Variants in CYP2U1 observed in about 807,000 individuals in gnomAD.
CYP2U1 encodes the protein cytochrome P450 family 2 subfamily U member 1, also known as cytochrome P450 2U1.
CYP2U1 carries 28 observed loss-of-function variants against 42.8 expected under a neutral mutation model. The ratio of observed to expected loss-of-function variants is 0.65; its 90% CI spans 0.48 to 0.90. CYP2U1 has a LOEUF of 0.90. CYP2U1 is among the 40% of genes least tolerant of loss of function. The pLI is 0.00. For synonymous variants in CYP2U1, 296 were observed against 278.9 expected (o/e 1.06, Z -0.61); for missense variants, 642 against 693.8 (o/e 0.93, Z 0.84).
chr4:107,941,680 A>G (rs1733500852), intron 1 of CYP2U1, among the ~76,000 whole-genome samples: 2 of 151,984 alleles, frequency 1.3e-5, no homozygotes, highest in Admixed American at 1.3e-4. Flanking sequence ...AACTGCAGCT[A>G]GAGTAGTACC....
chr4:107,945,732 A>G, intron 2 of CYP2U1, 127 bp downstream of exon 2: 1 of 1,231,962 alleles, frequency 8.1e-7, no homozygotes, highest in Non-Finnish European at 1.1e-6. Flanking sequence ...AATACTTGCA[A>G]CTCATAGGGA....
At chr4:107,947,656 C>T (rs1271628686) in intron 3 of CYP2U1, 119 bp downstream of exon 3, 14 of 965,974 alleles carry the variant, frequency 1.4e-5, no homozygotes, top group Non-Finnish European at 2.2e-5. Flanking sequence ...GAAGATTTAG[C>T]ATTGTGTCAT....
At chr4:107,932,398 T>C (rs533201436) in intron 1 of CYP2U1, among the ~76,000 whole-genome samples, 1 of 152,170 alleles carries the variant, frequency 6.6e-6, no homozygotes, top group Non-Finnish European at 1.5e-5. Context: ...GGGAGAGTAA[T>C]AGGGATGGCG....
intron 1 of CYP2U1, 107 bp from the exon 2 acceptor site, chr4:107,944,857 TGAGGAA>T: frequency 3.3e-6 from 1 of 299,830 alleles, no homozygotes; most frequent in Non-Finnish European, 5.8e-6. Flanking sequence ...TATATTTATA[TGAGGAA>T]TTTTCCATAA....
intron 1 of CYP2U1, among the ~76,000 whole-genome samples, chr4:107,933,429 C>G (rs1733121004): frequency 6.6e-6 from 1 of 152,196 alleles, no homozygotes; most frequent in African/African-American, 2.4e-5. Flanking sequence ...TAGGTAGAAG[C>G]AGTATTACGA....
chr4:107,942,345 G>A (rs1237483974), intron 1 of CYP2U1, among the ~76,000 whole-genome samples: 1 of 151,926 alleles, frequency 6.6e-6, no homozygotes, highest in African/African-American at 2.4e-5. Flanking sequence ...CCAGACCTCT[G>A]TGTTTAAAAA....
At chr4:107,938,052 A>G (rs996933293) in intron 1 of CYP2U1, 1 of 152,164 alleles carries the variant, frequency 6.6e-6, no homozygotes, top group African/African-American at 2.4e-5. Context: ...TGTTCCTTGG[A>G]CAAGAATACC....
rs536313224 is a variant in CYP2U1 at position 107,944,852 on chromosome 4, T to TATATATATATATA, written c.491-118_491-117insATATATATATATA. 55 of 101,002 alleles carry TATATATATATATA rather than the reference T, an allele frequency of 5.4e-4. 1 individual carries two copies. The highest frequency in any genetic ancestry group is 2.2e-3 in the East Asian group (5 of 2,310). 6.3% of individuals were successfully genotyped at this position (101,002 alleles called of 1,614,324 possible). On this transcript the variant is annotated intron_variant, in intron 1 of 4. Transcript: ENST00000332884. The stretch of plus-strand genomic sequence containing the variant: ...TCTTTATATATACATATATATATAT[T>TATATATATATATA]TATATGAGGAATTTTCCATAAGTGA...
chr4:107,940,061 C>T (rs1493121), intron 1 of CYP2U1: 58,993 of 151,056 alleles, frequency 0.39, 12,006 homozygotes, highest in East Asian at 0.69. Flanking sequence ...ATATACTTGA[C>T]GCTGCCATTT....
intron 1 of CYP2U1, chr4:107,941,063 G>C (rs1242734770): frequency 1.3e-5 from 2 of 151,966 alleles, no homozygotes; most frequent in Non-Finnish European, 2.9e-5. Context: ...AAAAAGAAAA[G>C]TGGTTCTTTT....
Position 107,951,699 on chromosome 4 carries a change from C to T in CYP2U1, c.*1276C>T, listed in dbSNP as rs1402513474. ...AACATGCTCTAAGGAATGACCACCC[C>T]TTTCTTTTATTCTCCCACAGTGCTC... On this transcript the variant is annotated 3_prime_UTR_variant, in exon 5 of 5. Coordinates refer to ENST00000332884, the MANE Select transcript of CYP2U1 (RefSeq NM_183075.3). 6.6e-6 allele frequency: 1 copy of T among 152,368 alleles called. No individual in the cohort carries two copies. The highest frequency in any genetic ancestry group is 1.5e-5 in the Non-Finnish European group (1 of 68,192). The allele number at this position is 152,368 out of a possible 1,614,324, so 9.4% of individuals were successfully genotyped here. A position where few individuals can be genotyped will look rare whatever the true frequency, so the allele number is the denominator to read the frequency against.
intron 1 of CYP2U1, chr4:107,938,380 C>G (rs1054321722): frequency 6.6e-6 from 1 of 152,198 alleles, no homozygotes; most frequent in African/African-American, 2.4e-5. Flanking sequence ...GTTGGTATCA[C>G]CGCAGGACAC....
intron 1 of CYP2U1, among the ~76,000 whole-genome samples, chr4:107,943,588 C>T (rs912262749): frequency 6.6e-6 from 1 of 152,140 alleles, no homozygotes; most frequent in African/African-American, 2.4e-5. Context: ...TGCAGAGCAA[C>T]CACTGCAGAT....
chr4:107,936,148 A>G (rs1733254948), intron 1 of CYP2U1: 1 of 152,222 alleles, frequency 6.6e-6, no homozygotes. Flanking sequence ...GGCCATAAAG[A>G]TGCTGTGTCC....
chr4:107,940,325 A>T (rs903868069), intron 1 of CYP2U1: 9 of 152,034 alleles, frequency 5.9e-5, no homozygotes, highest in African/African-American at 2.2e-4. Context: ...GGTTCAAGCA[A>T]TCCTCCCACC....
At chr4:107,939,964 C>T (rs751858551) in intron 1 of CYP2U1, among the ~76,000 whole-genome samples, 11 of 152,156 alleles carry the variant, frequency 7.2e-5, no homozygotes, top group East Asian at 1.9e-4. Context: ...CCCTGGCCAC[C>T]GACAAAAGAA....
At chr4:107,947,313 A>G in intron 2 of CYP2U1, 63 bp from the exon 3 acceptor site, 1 of 1,462,800 alleles carries the variant, frequency 6.8e-7, no homozygotes, top group Non-Finnish European at 9.5e-7. Flanking sequence ...AAGTATGCAG[A>G]GGAGGGCACG....
rs990661012 is a variant in CYP2U1 at position 107,951,723 on chromosome 4, T to G, written c.*1300T>G. On this transcript the variant is annotated 3_prime_UTR_variant, in exon 5 of 5. Coordinates refer to ENST00000332884, the MANE Select transcript of CYP2U1 (RefSeq NM_183075.3). ...CCTTTCTTTTATTCTCCCACAGTGC[T>G]CCATGTACAGAAGTAAGCATAGCAG... is the stretch of plus-strand genomic sequence containing the variant. 3.9e-5 allele frequency: 6 copies of G among 152,380 alleles called. No individual in the cohort carries two copies. In the East Asian group the frequency reaches 1.2e-3, roughly 29 times the overall value. 9.4% of individuals were successfully genotyped at this position (152,380 alleles called of 1,614,324 possible). A position where few individuals can be genotyped will look rare whatever the true frequency, so the allele number is the denominator to read the frequency against.
At chr4:107,947,684 G>A in intron 3 of CYP2U1, 147 bp downstream of exon 3, 1 of 808,594 alleles carries the variant, frequency 1.2e-6, no homozygotes, top group Non-Finnish European at 1.9e-6. Flanking sequence ...AAAATGTCTA[G>A]GGAATGTTCA....
Sources: gnomAD v4.1 joint callset for allele counts (sites outside exome capture counted in the v4.1 genomes callset) on GRCh38, gnomAD v4.1.1 for gene constraint, MANE v1.5 for transcripts, NCBI Gene and HGNC (gene_info 2026-07-23, HGNC 2026-07-21) for gene names.